The following HNF4A variants were observed in gnomAD, a reference collection of about 807,000 sequenced individuals.
HNF4A encodes the protein hepatocyte nuclear factor 4 alpha, also known as hepatocyte nuclear factor 4-alpha.
A neutral mutation model predicts 52.4 loss-of-function variants in HNF4A; 15 were observed. The observed-to-expected ratio is 0.29, with a 90% CI of 0.19 to 0.44. The LOEUF (loss-of-function observed/expected upper bound fraction) is 0.44, where lower values mean the gene tolerates loss of function less well. HNF4A is among the 20% of genes least tolerant of loss of function. The pLI, the probability that HNF4A is intolerant of heterozygous loss-of-function variation, is 1.00. For missense variants in HNF4A, 479 were observed against 647.2 expected (o/e 0.74, Z 2.82); for synonymous variants, 280 against 264.4 (o/e 1.06, Z -0.57).
intron 7 of HNF4A, among the ~76,000 whole-genome samples, chr20:44,423,250 A>G (rs1382770342): frequency 6.6e-6 from 1 of 152,080 alleles, no homozygotes; most frequent in Non-Finnish European, 1.5e-5. Context: ...CAGGAGGCAG[A>G]GGTTGCGGTG....
intron 1 of HNF4A, among the ~76,000 whole-genome samples, chr20:44,386,109 C>G (rs1455259364): frequency 6.6e-6 from 1 of 151,526 alleles, no homozygotes; most frequent in African/African-American, 2.4e-5. Flanking sequence ...CACCCACCTC[C>G]CAAAGTGCTG....
At chr20:44,356,989 C>T (rs564523377) in intron 1 of HNF4A, among the ~76,000 whole-genome samples, 3 of 152,098 alleles carry the variant, frequency 2.0e-5, no homozygotes, top group East Asian at 1.9e-4. Context: ...TGGTGGATGC[C>T]GTGGGGAACA....
intron 1 of HNF4A, among the ~76,000 whole-genome samples, chr20:44,379,883 G>A (rs887827320): frequency 5.3e-5 from 8 of 152,020 alleles, no homozygotes; most frequent in Non-Finnish European, 5.9e-5. Flanking sequence ...ACAGATGCAT[G>A]CCACCATGCC....
chr20:44,365,573 G>C (rs1286066895), intron 1 of HNF4A, among the ~76,000 whole-genome samples: 1 of 152,124 alleles, frequency 6.6e-6, no homozygotes, highest in Non-Finnish European at 1.5e-5. Flanking sequence ...GGTGAATTTA[G>C]GCGAAGGGAT....
intron 1 of HNF4A, among the ~76,000 whole-genome samples, chr20:44,404,798 TG>T (rs2063464415): frequency 1.4e-5 from 2 of 141,988 alleles, no homozygotes; most frequent in African/African-American, 2.7e-5. Flanking sequence ...TGTGTCTGTG[TG>T]GTGTGTGGAC....
intron 5 of HNF4A, among the ~76,000 whole-genome samples, chr20:44,415,759 A>G (rs2063655005): frequency 6.6e-6 from 1 of 152,154 alleles, no homozygotes; most frequent in Non-Finnish European, 1.5e-5. Context: ...AATACTGCAC[A>G]TTGGGACACT....
intron 6 of HNF4A, among the ~76,000 whole-genome samples, chr20:44,419,317 C>T (rs887768512): frequency 2.6e-5 from 4 of 152,232 alleles, no homozygotes; most frequent in Non-Finnish European, 5.9e-5. Flanking sequence ...AAAACTGAGG[C>T]ACAGAGAGGT....
chr20:44,382,854 T>C (rs2063172633), intron 1 of HNF4A, among the ~76,000 whole-genome samples: 1 of 152,154 alleles, frequency 6.6e-6, no homozygotes, highest in South Asian at 2.1e-4. Context: ...GAGGATTTTT[T>C]ACTTATCTCC....
chr20:44,372,641 G>C (rs1174626622), intron 1 of HNF4A: 1 of 152,124 alleles, frequency 6.6e-6, no homozygotes, highest in Non-Finnish European at 1.5e-5. Flanking sequence ...TAATTTGGGA[G>C]GTGGAGTTGG....
At position 44,369,527 on chromosome 20, in the gene HNF4A, C is replaced by T. The variant is rs2063009905; in HGVS notation, c.49+13674C>T. On this transcript the variant is annotated intron_variant, in intron 1 of 9. Coordinates refer to the HNF4A transcript ENST00000316673. ...AAACAATCTCAAATGTACCTGGAAA[C>T]AGTTGGGACAGGAAGTCATGAAGGG... is the stretch of plus-strand genomic sequence containing the variant. Among the ~76,000 whole-genome samples the T allele has an allele frequency of 2.0e-5, 3 of 152,022 alleles. No homozygotes were observed. The South Asian group carries it at 6.2e-4, about 32-fold the overall frequency.
intron 1 of HNF4A, among the ~76,000 whole-genome samples, chr20:44,379,138 T>A (rs1449536708): frequency 6.6e-6 from 1 of 152,144 alleles, no homozygotes; most frequent in Non-Finnish European, 1.5e-5. Context: ...CCATCCTTTT[T>A]AAGGCTGAAT....
upstream of HNF4A, among the ~76,000 whole-genome samples, chr20:44,398,884 T>C (rs1431467554): frequency 1.3e-5 from 2 of 152,200 alleles, no homozygotes; most frequent in African/African-American, 4.8e-5. Flanking sequence ...AATTCTGACA[T>C]GACATTGATC....
intron 3 of HNF4A, among the ~76,000 whole-genome samples, chr20:44,412,714 G>A (rs181418484): frequency 7.9e-5 from 12 of 152,300 alleles, no homozygotes; most frequent in African/African-American, 2.4e-4. Context: ...CTGGGAGCAG[G>A]GAGGGAGCAG....
At chr20:44,408,994 C>G (rs1337077429) in intron 3 of HNF4A, among the ~76,000 whole-genome samples, 3 of 152,070 alleles carry the variant, frequency 2.0e-5, no homozygotes, top group Non-Finnish European at 4.4e-5. Flanking sequence ...TTGGTAGACT[C>G]TCTTTCCCCT....
intron 3 of HNF4A, among the ~76,000 whole-genome samples, chr20:44,409,182 T>C (rs1212374683): frequency 6.6e-6 from 1 of 152,124 alleles, no homozygotes; most frequent in Non-Finnish European, 1.5e-5. Context: ...AATTCTAACA[T>C]CTAGATATCA....
upstream of HNF4A, among the ~76,000 whole-genome samples, chr20:44,398,175 A>C (rs1490682251): frequency 6.6e-6 from 1 of 152,222 alleles, no homozygotes. Flanking sequence ...CACAAAATAC[A>C]TGGAGTCATA....
intron 1 of HNF4A, among the ~76,000 whole-genome samples, chr20:44,404,083 GA>G (rs1206836796): frequency 6.6e-6 from 1 of 152,180 alleles, no homozygotes; most frequent in Non-Finnish European, 1.5e-5. Flanking sequence ...GCAGAAATGA[GA>G]TGCGGCAGTG....
chr20:44,428,445 A>G lies in HNF4A; in HGVS notation c.1240A>G (p.Asn414Asp). 1 of 1,614,182 alleles carries G rather than the reference A, an allele frequency of 6.2e-7. No homozygotes were observed. Among genetic ancestry groups the G allele is most frequent in the African/African-American group, 1.3e-5 (1 of 75,056 alleles). Reference sequence around the variant, plus strand: ...CAACACAATGCCCACTCACCTCAGCAACGGACAGATGTGTGAGTGGCCCCG... The same window carrying G: ...CAACACAATGCCCACTCACCTCAGCGACGGACAGATGTGTGAGTGGCCCCG... Residue 414 changes from asparagine to aspartate, a missense_variant, in exon 9 of 10, where the codon AAC (asparagine) becomes GAC (aspartate). This residue lies in a region of HNF4A where 389 missense variants were observed against 525.1 expected (regional missense o/e 0.74). Coordinates refer to ENST00000316099, the MANE Select transcript of HNF4A (RefSeq NM_000457.6).
chr20:44,409,283 T>C (rs2063547586), intron 3 of HNF4A, among the ~76,000 whole-genome samples: 2 of 152,212 alleles, frequency 1.3e-5, no homozygotes, highest in Admixed American at 1.3e-4. Flanking sequence ...GCCTGTCTCA[T>C]CCACTTCAAC....
Sources: allele counts gnomAD v4.1 joint callset (sites outside exome capture counted in the v4.1 genomes callset), GRCh38; gene constraint gnomAD v4.1.1; regional missense constraint gnomAD v4.1.1; transcripts MANE v1.5; gene names NCBI Gene and HGNC (gene_info 2026-07-23, HGNC 2026-07-21).